PLB1: variants seen among roughly 807,000 people sequenced by gnomAD.
PLB1 encodes phospholipase B1, membrane-associated.
PLB1 carries 242 observed loss-of-function variants against 227.4 expected under a neutral mutation model. That is an observed-to-expected ratio of 1.06 (90% CI 0.96 to 1.18). The LOEUF (loss-of-function observed/expected upper bound fraction) is 1.18, where lower values mean the gene tolerates loss of function less well. Among genes scored for constraint, PLB1 ranks in the 50% most tolerant of loss-of-function variants. The pLI is 0.00. For synonymous variants in PLB1, 757 were observed against 682.2 expected (o/e 1.11, Z -1.71); for missense variants, 1,858 against 1,816.3 (o/e 1.02, Z -0.42).
chr2:28,508,392 G>A (rs891043330), intron 1 of PLB1, among the ~76,000 whole-genome samples: 2 of 152,142 alleles, frequency 1.3e-5, no homozygotes, highest in African/African-American at 4.8e-5. Context: ...GCACGTGACT[G>A]GCCAAGCACC....
At chr2:28,637,227 G>A (rs895485794) in intron 56 of PLB1, among the ~76,000 whole-genome samples, 13 of 151,456 alleles carry the variant, frequency 8.6e-5, no homozygotes, top group Non-Finnish European at 5.9e-5. Context: ...CAGGAGGCAG[G>A]GGTTGCAGTG....
intron 1 of PLB1, among the ~76,000 whole-genome samples, chr2:28,498,191 T>C (rs1314506156): frequency 6.6e-6 from 1 of 151,710 alleles, no homozygotes; most frequent in Non-Finnish European, 1.5e-5. Flanking sequence ...GGATTGACTT[T>C]TATGAATAGT....
chr2:28,590,078 T>TA lies in PLB1; in HGVS notation c.2088+3dup. 2 of 1,610,074 alleles carry TA rather than the reference T, an allele frequency of 1.2e-6. No individual in the cohort carries two copies. Among genetic ancestry groups the TA allele is most frequent in the Non-Finnish European group, 1.7e-6 (2 of 1,176,352 alleles). ...ATCAATATCACATGTCCGAACCAGG[T>TA]AGAGTGGAAAGCACGTCCTTCCAGG... On this transcript the variant is annotated splice_region_variant and intron_variant, in intron 29 of 57. Coordinates refer to ENST00000327757, the MANE Select transcript of PLB1 (RefSeq NM_153021.5).
Position 28,598,747 on chromosome 2 carries a change from G to A in PLB1, c.2461G>A (p.Gly821Arg), listed in dbSNP as rs10201128. ...TGCATTCCTCAATCAAGCTGTTCCC[G>A]GAGCAAAGGCTGAGTATGGCATTTG... ...TNAFLNQAVP[G>R]AKAEDLMSQV... is the part of the protein sequence containing the mutation. Residue 821 changes from glycine to arginine, a missense_variant, in exon 35 of 58, where the codon GGA (glycine) becomes AGA (arginine). Gly to Arg is a moderately radical substitution (Grantham distance 125). Transcript: ENST00000327757. The A allele has an allele frequency of 8.9e-4, 1,440 of 1,613,722 alleles. 9 individuals are homozygous for A. In the African/African-American group the frequency reaches 0.016, roughly 18 times the overall value.
chr2:28,605,673 C>T (rs1043059371), intron 41 of PLB1, among the ~76,000 whole-genome samples, 180 bp from the exon 42 acceptor site: 1 of 152,192 alleles, frequency 6.6e-6, no homozygotes, highest in South Asian at 2.1e-4. Flanking sequence ...TCACCCAAAA[C>T]TATTCTTTGT....
Position 28,618,359 on chromosome 2 carries a change from C to G in PLB1, c.3275C>G (p.Ala1092Gly). Residue 1092 changes from alanine to glycine, a missense_variant, in exon 46 of 58, where the codon GCA becomes GGA. By Grantham distance (60) the Ala-to-Gly change is moderately conservative (BLOSUM62 0). Transcript: ENST00000327757. ...CCCCTAGTCCACCAGCTCCGACCAG[C>G]AGACATCAAAGTGGTGGCCGCCCTG... The part of the protein sequence containing the change: ...VPTSVHQLRP[A>G]DIKVVAALGD... 1 of 1,614,164 alleles carries G rather than the reference C, an allele frequency of 6.2e-7. No individual in the cohort carries two copies. The highest frequency in any genetic ancestry group is 1.1e-5 in the South Asian group (1 of 91,080).
At chr2:28,527,773 G>A (rs1330159063) in intron 6 of PLB1, among the ~76,000 whole-genome samples, 2 of 152,310 alleles carry the variant, frequency 1.3e-5, no homozygotes, top group African/African-American at 4.8e-5. Context: ...CAAAATGACT[G>A]GCAAATTTAC....
chr2:28,619,846 A>C (rs1686765081), intron 46 of PLB1, among the ~76,000 whole-genome samples: 1 of 152,114 alleles, frequency 6.6e-6, no homozygotes, highest in South Asian at 2.1e-4. Context: ...TTTAATCTTG[A>C]AGGTAAGGGA....
intron 55 of PLB1, 73 bp downstream of exon 55, chr2:28,632,213 T>C: frequency 1.6e-6 from 2 of 1,241,318 alleles, no homozygotes; most frequent in South Asian, 1.3e-5. Context: ...TTTCCTTCTC[T>C]AAGTGGGCTT....
chr2:28,593,516 CT>C (rs1413248801), intron 32 of PLB1, among the ~76,000 whole-genome samples, 164 bp from the exon 33 acceptor site: 2 of 152,230 alleles, frequency 1.3e-5, no homozygotes, highest in Non-Finnish European at 2.9e-5. Context: ...AGGCACACAG[CT>C]GGAGAGGAGG....
At chr2:28,635,987 GTA>G (rs1689251386) in intron 56 of PLB1, among the ~76,000 whole-genome samples, 2 of 151,804 alleles carry the variant, frequency 1.3e-5, no homozygotes, top group Admixed American at 6.6e-5. Context: ...GGGACATTGT[GTA>G]TGTGTGTATG....
At chr2:28,563,125 C>A in intron 18 of PLB1, 26 bp downstream of exon 18, 1 of 1,597,148 alleles carries the variant, frequency 6.3e-7, no homozygotes, top group Non-Finnish European at 8.6e-7. Flanking sequence ...GCAGAAGGGG[C>A]AGGAGGGGAA....
chr2:28,579,857 A>C, intron 23 of PLB1, 150 bp downstream of exon 23: 1 of 659,606 alleles, frequency 1.5e-6, no homozygotes, highest in Non-Finnish European at 2.8e-6. Context: ...CCTGAGACTG[A>C]GAAGGCATTC....
In PLB1 at chr2:28,630,007, C is replaced by T. The variant is rs533911974; in HGVS notation, c.3819-579C>T. 6.0e-4 allele frequency among the ~76,000 whole-genome samples: 92 copies of T among 152,292 alleles called. 1 individual carries two copies. Among genetic ancestry groups the T allele is most frequent in the African/African-American group, 2.0e-3 (85 of 41,548 alleles). ...ATTTTTGCAGGGAACCCTGCTCTCT[C>T]GCAGGGAACGGCTCCTCCAGAGTCT... On this transcript the variant is annotated intron_variant, in intron 53 of 57. Transcript: ENST00000327757.
At chr2:28,623,756 A>C (rs189989425) in intron 49 of PLB1, among the ~76,000 whole-genome samples, 277 of 152,310 alleles carry the variant, frequency 1.8e-3, no homozygotes, top group African/African-American at 6.4e-3. Flanking sequence ...CATTTCTTTA[A>C]ACACAGCTTT....
rs552042062 is a variant in PLB1, at chr2:28,638,692, G to GA, written c.4099-2229dup. Among the ~76,000 whole-genome samples the GA allele has an allele frequency of 9.9e-5, 15 of 151,522 alleles. No individual in the cohort carries two copies. In the South Asian group the frequency reaches 1.5e-3, roughly 15 times the overall value. On this transcript the variant is annotated intron_variant, in intron 56 of 57. Transcript: ENST00000327757. ...CTGGGTGGATGATTGAGCAGGTAGA[G>GA]AAAAAATCAGCGTGGGAGGAAAAAA...
chr2:28,632,004 G>A (rs1688694653), intron 54 of PLB1, 32 bp from the exon 55 acceptor site: 2 of 1,575,194 alleles, frequency 1.3e-6, no homozygotes, highest in African/African-American at 2.7e-5. Context: ...GCCTTGCCAG[G>A]AGGGTTGAGC....
At chr2:28,526,036 C>G in intron 6 of PLB1, 91 bp downstream of exon 6, 1 of 1,434,098 alleles carries the variant, frequency 7.0e-7, no homozygotes, top group Admixed American at 1.7e-5. Flanking sequence ...TGGACACCAC[C>G]AGCCACTTTA....
chr2:28,573,579 A>G (rs1412700958), intron 21 of PLB1, among the ~76,000 whole-genome samples: 1 of 152,204 alleles, frequency 6.6e-6, no homozygotes, highest in Non-Finnish European at 1.5e-5. Flanking sequence ...CACTTAAGAC[A>G]TAGGTTATAA....
Sources: allele counts gnomAD v4.1 joint callset (sites outside exome capture counted in the v4.1 genomes callset), GRCh38; gene constraint gnomAD v4.1.1; transcripts MANE v1.5; gene names NCBI Gene and HGNC (gene_info 2026-07-23, HGNC 2026-07-21).